EXT1: variants seen among roughly 807,000 people sequenced by gnomAD.
EXT1 encodes exostosin glycosyltransferase 1.
In EXT1, 20 loss-of-function variants were observed where a neutral mutation model predicts 82.5. That is an observed-to-expected ratio of 0.24 (90% CI 0.17 to 0.35). EXT1 has a LOEUF of 0.35. Among genes scored for constraint, EXT1 ranks in the 10% least tolerant of loss-of-function variants. The pLI is 1.00. For synonymous variants in EXT1, 348 were observed against 350.8 expected, an observed-to-expected ratio of 0.99 and a Z score of 0.09; for missense variants, 757 against 936.5, an observed-to-expected ratio of 0.81 and a Z score of 2.50.
chr8:118,060,852 A>G (rs1232252454), intron 1 of EXT1, among the ~76,000 whole-genome samples: 1 of 152,268 alleles, frequency 6.6e-6, no homozygotes, highest in African/African-American at 2.4e-5. Context: ...TTCTTCACCA[A>G]GAAGAGCAAT....
intron 1 of EXT1, among the ~76,000 whole-genome samples, chr8:117,865,165 T>C (rs1356783800): frequency 4.6e-5 from 7 of 152,054 alleles, no homozygotes; most frequent in African/African-American, 1.7e-4. Flanking sequence ...AAGACCCAAA[T>C]AAAATCTTCT....
At chr8:117,872,794 A>G (rs1812896523) in intron 1 of EXT1, among the ~76,000 whole-genome samples, 1 of 151,896 alleles carries the variant, frequency 6.6e-6, no homozygotes, top group African/African-American at 2.4e-5. Flanking sequence ...AAGATCTCCA[A>G]ACACATATTA....
intron 1 of EXT1, among the ~76,000 whole-genome samples, chr8:118,047,629 C>T (rs751472094): frequency 5.7e-4 from 87 of 152,268 alleles, no homozygotes; most frequent in Middle Eastern, 3.4e-3. Flanking sequence ...AATATGTGAT[C>T]GAACCTGAAG....
At chr8:118,092,646 C>T (rs1003926928) in intron 1 of EXT1, among the ~76,000 whole-genome samples, 3 of 152,102 alleles carry the variant, frequency 2.0e-5, no homozygotes, top group East Asian at 1.9e-4. Context: ...AAGAGAATAC[C>T]GGGACTAGGG....
rs528387738 is a variant in EXT1, at chr8:117,952,643, T to C, written c.963-115442A>G. 7.9e-5 allele frequency among the ~76,000 whole-genome samples: 12 copies of C among 152,112 alleles called. No homozygotes were observed. The East Asian group carries it at 2.3e-3, about 29-fold the overall frequency. On this transcript the variant is annotated intron_variant, in intron 1 of 10. Transcript: ENST00000378204. Reference sequence around the variant, plus strand: ...TGGGTGTAGTAGTTCATGCCTGTAATCCCAGTCACTTGGGAGGCTGAGGCA... The same window carrying C: ...TGGGTGTAGTAGTTCATGCCTGTAACCCCAGTCACTTGGGAGGCTGAGGCA...
At chr8:117,950,077 A>G (rs970331268) in intron 1 of EXT1, among the ~76,000 whole-genome samples, 1 of 152,090 alleles carries the variant, frequency 6.6e-6, no homozygotes, top group African/African-American at 2.4e-5. Flanking sequence ...AAACAAACAA[A>G]AAAACAAAAA....
intron 1 of EXT1, among the ~76,000 whole-genome samples, chr8:117,877,444 C>G (rs1812990618): frequency 6.6e-6 from 1 of 152,144 alleles, no homozygotes; most frequent in African/African-American, 2.4e-5. Context: ...TACAGCCAAG[C>G]TGAGGTGAGA....
chr8:117,877,134 G>A (rs1386906414), intron 1 of EXT1, among the ~76,000 whole-genome samples: 1 of 152,156 alleles, frequency 6.6e-6, no homozygotes, highest in Non-Finnish European at 1.5e-5. Flanking sequence ...TCTTTTGCAC[G>A]CTGCTTTCCT....
At chr8:117,829,374 T>C (rs1812058867) in intron 4 of EXT1, among the ~76,000 whole-genome samples, 1 of 152,072 alleles carries the variant, frequency 6.6e-6, no homozygotes, top group South Asian at 2.1e-4. Context: ...AATTTAACAC[T>C]TTCTGTGCCA....
At chr8:118,101,265 CT>C (rs1817714622) in intron 1 of EXT1, among the ~76,000 whole-genome samples, 1 of 152,186 alleles carries the variant, frequency 6.6e-6, no homozygotes, top group African/African-American at 2.4e-5. Flanking sequence ...GGGGGATCAG[CT>C]ACTGTTATGG....
rs1394508840 is a variant in EXT1 at position 117,837,191 on chromosome 8, G to T, written c.973C>A (p.Arg325=). 1 of 1,613,248 alleles carries T rather than the reference G, an allele frequency of 6.2e-7. No homozygotes were observed. The highest frequency in any genetic ancestry group is 8.5e-7 in the Non-Finnish European group (1 of 1,179,336). ...AAAGTGGCATTGTGCAGCATTTCCC[G>T]ATAATCATACCTAGAAAGAGAAGAG... ...DNTEYEKYDY[R]EMLHNATFCL... Residue 325 remains arginine, a synonymous_variant, in exon 2 of 11, where the codon CGG becomes AGG. Transcript: ENST00000378204.
At chr8:117,847,715 A>T (rs1812385349) in intron 1 of EXT1, among the ~76,000 whole-genome samples, 1 of 152,182 alleles carries the variant, frequency 6.6e-6, no homozygotes, top group Non-Finnish European at 1.5e-5. Context: ...TTGATCCAAG[A>T]TATCCTTTCC....
chr8:118,030,370 C>A (rs1035278778), intron 1 of EXT1, among the ~76,000 whole-genome samples: 1 of 152,110 alleles, frequency 6.6e-6, no homozygotes, highest in Non-Finnish European at 1.5e-5. Context: ...AAGAAAAGTG[C>A]GTACACCATA....
chr8:118,010,325 T>C (rs983482584), intron 1 of EXT1, among the ~76,000 whole-genome samples: 4 of 149,076 alleles, frequency 2.7e-5, no homozygotes, highest in African/African-American at 1.0e-4. Flanking sequence ...TGAGCTGAGA[T>C]TGCGCCACTG....
intron 1 of EXT1, among the ~76,000 whole-genome samples, chr8:117,845,107 T>C (rs1812331986): frequency 6.6e-6 from 1 of 152,182 alleles, no homozygotes; most frequent in Non-Finnish European, 1.5e-5. Flanking sequence ...AGTCTCCTTT[T>C]CATGTCCTCT....
intron 1 of EXT1, among the ~76,000 whole-genome samples, chr8:118,053,378 C>T (rs1417724358): frequency 6.6e-6 from 1 of 152,134 alleles, no homozygotes; most frequent in Non-Finnish European, 1.5e-5. Context: ...CCCTTGATAT[C>T]CTTTTCTTCT....
At chr8:118,046,975 G>A (rs11562761) in intron 1 of EXT1, among the ~76,000 whole-genome samples, 1 of 152,094 alleles carries the variant, frequency 6.6e-6, no homozygotes, top group East Asian at 1.9e-4. Context: ...GATTTGGAAT[G>A]GTGTGTTTCT....
chr8:118,014,238 A>G (rs536696320), intron 1 of EXT1, among the ~76,000 whole-genome samples: 18 of 152,318 alleles, frequency 1.2e-4, no homozygotes, highest in African/African-American at 3.8e-4. Flanking sequence ...ATGTTTTCTG[A>G]TAAGAATAAG....
chr8:118,049,224 C>T (rs1433839458), intron 1 of EXT1, among the ~76,000 whole-genome samples: 2 of 152,194 alleles, frequency 1.3e-5, no homozygotes, highest in East Asian at 3.8e-4. Flanking sequence ...GCATATCATT[C>T]ATGGATTTGT....
Sources: allele counts gnomAD v4.1 joint callset (sites outside exome capture counted in the v4.1 genomes callset), GRCh38; gene constraint gnomAD v4.1.1; transcripts MANE v1.5; gene names NCBI Gene and HGNC (gene_info 2026-07-23, HGNC 2026-07-21).